The following MARCHF3 variants were observed in gnomAD, a reference collection of about 807,000 sequenced individuals.
MARCHF3 encodes the protein membrane associated ring-CH-type finger 3.
In MARCHF3, 13 loss-of-function variants were observed where a neutral mutation model predicts 24.2. The observed-to-expected ratio is 0.54, with a 90% CI of 0.35 to 0.85. MARCHF3 has a LOEUF of 0.85. Among genes scored for constraint, MARCHF3 ranks in the 40% least tolerant of loss-of-function variants. The pLI is 0.01. For missense variants in MARCHF3, 276 were observed against 325.0 expected, an observed-to-expected ratio of 0.85 and a Z score of 1.16; for synonymous variants, 144 against 137.3, an observed-to-expected ratio of 1.05 and a Z score of -0.34.
chr5:126,937,359 C>T (rs1000067227), intron 1 of MARCHF3, among the ~76,000 whole-genome samples: 17 of 151,980 alleles, frequency 1.1e-4, no homozygotes, highest in African/African-American at 2.9e-4. Context: ...AAGAAAGATG[C>T]CAATTTAAAT....
At chr5:126,899,181 C>T in intron 3 of MARCHF3, 1 of 985,306 alleles carries the variant, frequency 1.0e-6, no homozygotes, top group Non-Finnish European at 1.2e-6. Flanking sequence ...GCCACAGAAA[C>T]ATACATTCCA....
intron 3 of MARCHF3, among the ~76,000 whole-genome samples, chr5:126,905,790 A>G (rs1754269644): frequency 6.6e-6 from 1 of 151,896 alleles, no homozygotes; most frequent in Non-Finnish European, 1.5e-5. Context: ...CTCTTTTCCT[A>G]ATTGAATACC....
Position 126,918,382 on chromosome 5 carries a change from G to GCACACACACACA in MARCHF3, c.-56-167_-56-156dup, listed in dbSNP as rs112284753. Among the ~76,000 whole-genome samples the GCACACACACACA allele has an allele frequency of 2.3e-3, 347 of 149,530 alleles. 3 individuals are homozygous for GCACACACACACA. The highest frequency in any genetic ancestry group is 8.2e-3 in the African/African-American group (334 of 40,876). ...TATCTTGTTACTGTTTAATACAAGT[G>GCACACACACACA]CACACACACACACACACACAGAGCC... On this transcript the variant is annotated intron_variant, in intron 1 of 4. Transcript: ENST00000308660.
intron 1 of MARCHF3, among the ~76,000 whole-genome samples, chr5:127,019,326 C>A (rs1013803861): frequency 2.0e-5 from 3 of 152,094 alleles, no homozygotes; most frequent in African/African-American, 4.8e-5. Context: ...AACATCTACC[C>A]CCCTACCCCA....
At chr5:126,952,054 T>C (rs1286864075) in intron 1 of MARCHF3, among the ~76,000 whole-genome samples, 4 of 152,120 alleles carry the variant, frequency 2.6e-5, no homozygotes, top group Non-Finnish European at 4.4e-5. Context: ...ACCATGTTGA[T>C]CAGGCTGGTC....
chr5:126,998,200 A>C (rs61653213), intron 1 of MARCHF3, among the ~76,000 whole-genome samples: 3,104 of 152,310 alleles, frequency 0.02, 75 homozygotes, highest in South Asian at 0.12. Context: ...AGGATTATGA[A>C]AATACAAAGG....
chr5:126,972,930 C>A (rs1423493753), intron 1 of MARCHF3, among the ~76,000 whole-genome samples: 1 of 152,178 alleles, frequency 6.6e-6, no homozygotes, highest in Non-Finnish European at 1.5e-5. Context: ...TCCCCGTACC[C>A]AACAAAAGTG....
At chr5:126,900,875 T>G (rs1754080215) in intron 3 of MARCHF3, among the ~76,000 whole-genome samples, 1 of 151,944 alleles carries the variant, frequency 6.6e-6, no homozygotes, top group Non-Finnish European at 1.5e-5. Context: ...CTAATTTTTG[T>G]GTTTTCAGTA....
At chr5:126,897,340 A>G (rs921338820) in intron 3 of MARCHF3, among the ~76,000 whole-genome samples, 7 of 152,106 alleles carry the variant, frequency 4.6e-5, no homozygotes, top group South Asian at 2.1e-4. Flanking sequence ...CCCCTGGCCA[A>G]GAAATTTAAG....
At chr5:126,936,849 A>G (rs1749663744) in intron 1 of MARCHF3, among the ~76,000 whole-genome samples, 1 of 152,222 alleles carries the variant, frequency 6.6e-6, no homozygotes, top group South Asian at 2.1e-4. Context: ...CCGTAGGTGC[A>G]GAAAGGACAT....
intron 1 of MARCHF3, among the ~76,000 whole-genome samples, chr5:126,942,591 A>T (rs1749868758): frequency 2.0e-5 from 3 of 152,240 alleles, no homozygotes; most frequent in Admixed American, 1.3e-4. Context: ...CAGACACAAT[A>T]AGATAACAGT....
At chr5:126,946,337 A>G (rs1166371383) in intron 1 of MARCHF3, 2 of 143,318 alleles carry the variant, frequency 1.4e-5, no homozygotes, top group African/African-American at 5.2e-5. Context: ...GTGTCACTGT[A>G]CTCCAGCCTG....
At chr5:126,894,885 G>C (rs973649112) in intron 3 of MARCHF3, among the ~76,000 whole-genome samples, 1 of 151,664 alleles carries the variant, frequency 6.6e-6, no homozygotes, top group Non-Finnish European at 1.5e-5. Flanking sequence ...AGTTCTCCTG[G>C]ATAATATCCT....
At chr5:126,953,768 A>C (rs1467086167) in intron 1 of MARCHF3, among the ~76,000 whole-genome samples, 1 of 152,026 alleles carries the variant, frequency 6.6e-6, no homozygotes, top group Non-Finnish European at 1.5e-5. Context: ...GAAATGTTCT[A>C]TTATCTCTTT....
intron 1 of MARCHF3, among the ~76,000 whole-genome samples, chr5:127,002,410 AT>A (rs1314374261): frequency 1.3e-5 from 2 of 152,306 alleles, no homozygotes; most frequent in East Asian, 3.9e-4. Context: ...GCCTGTCACT[AT>A]TCTTGGTGAC....
At chr5:126,993,670 A>G (rs1751851174) in intron 1 of MARCHF3, among the ~76,000 whole-genome samples, 1 of 151,988 alleles carries the variant, frequency 6.6e-6, no homozygotes, top group Non-Finnish European at 1.5e-5. Context: ...CACTTTAATC[A>G]TTTTCAGGCA....
At chr5:126,935,965 A>G (rs1027976563) in intron 1 of MARCHF3, among the ~76,000 whole-genome samples, 4 of 152,186 alleles carry the variant, frequency 2.6e-5, no homozygotes, top group Admixed American at 1.3e-4. Context: ...ACACATGCAC[A>G]TATGTCTTTA....
intron 1 of MARCHF3, among the ~76,000 whole-genome samples, chr5:127,017,458 A>G (rs1752670681): frequency 6.6e-6 from 1 of 152,354 alleles, no homozygotes; most frequent in Non-Finnish European, 1.5e-5. Flanking sequence ...TGAACAGAAC[A>G]TAAGTTGAAA....
chr5:126,947,405 C>T (rs1750066510), intron 1 of MARCHF3, among the ~76,000 whole-genome samples: 1 of 152,166 alleles, frequency 6.6e-6, no homozygotes, highest in South Asian at 2.1e-4. Flanking sequence ...AAAAGAACAT[C>T]TTGAAGGGAG....
Sources: allele counts gnomAD v4.1 joint callset (sites outside exome capture counted in the v4.1 genomes callset), GRCh38; gene constraint gnomAD v4.1.1; transcripts MANE v1.5; gene names NCBI Gene and HGNC (gene_info 2026-07-23, HGNC 2026-07-21).